SPTBN5: variants seen among roughly 807,000 people sequenced by gnomAD.
The protein encoded by SPTBN5 is spectrin beta chain, non-erythrocytic 5.
Under a neutral mutation model 477.6 loss-of-function variants are expected in SPTBN5, and 513 were observed. The ratio of observed to expected loss-of-function variants is 1.07; its 90% CI spans 1.00 to 1.16. The LOEUF (loss-of-function observed/expected upper bound fraction) is 1.16, where lower values mean the gene tolerates loss of function less well. Ranked by LOEUF, SPTBN5 falls within the 50% of genes most tolerant of loss-of-function variation. The probability of loss-of-function intolerance (pLI) is 0.00; values close to 1 mark genes in which losing one functional copy is unlikely to be tolerated. For missense variants in SPTBN5, 5,062 were observed against 4,731.8 expected (o/e 1.07, Z -2.05); for synonymous variants, 2,169 against 2,011.7 (o/e 1.08, Z -2.09).
Position 41,876,957 on chromosome 15 carries a change from G to A in SPTBN5, c.3712-9C>T. 6.2e-7 allele frequency: 1 copy of A among 1,601,954 alleles called. No homozygotes were observed. Among genetic ancestry groups the A allele is most frequent in the African/African-American group, 1.3e-5 (1 of 74,808 alleles). On this transcript the variant is annotated splice_polypyrimidine_tract_variant and intron_variant, in intron 18 of 67. Coordinates refer to ENST00000320955, the MANE Select transcript of SPTBN5 (RefSeq NM_016642.4). ...GCCTCCCTCACGTCCTCCTGGGAGTGCAGAGACCTGAGGTCATGCCTGGGA... is the reference window on the plus strand; with the variant it reads ...GCCTCCCTCACGTCCTCCTGGGAGTACAGAGACCTGAGGTCATGCCTGGGA...
intron 47 of SPTBN5, 115 bp downstream of exon 47, chr15:41,860,471 G>A (rs1336232628): frequency 1.7e-6 from 2 of 1,192,830 alleles, no homozygotes; most frequent in Non-Finnish European, 2.2e-6. Flanking sequence ...CTCAGTCCTT[G>A]GACAAGGCTG....
chr15:41,865,870 C>T lies in SPTBN5; in HGVS notation c.6856G>A (p.Asp2286Asn), dbSNP rs1173339048. ...VKMNVGDLGQ[D>N]LEHCLQLRRR... The stretch of plus-strand genomic sequence containing the variant: ...CGGAGCTGCAGGCAGTGCTCCAGGT[C>T]CTGGCCCAGGTCACCAACATTCATC... Residue 2286 changes from aspartate (D) to asparagine (N), a missense_variant, in exon 39 of 68, where the codon GAC becomes AAC. Coordinates refer to ENST00000320955, the MANE Select transcript of SPTBN5 (RefSeq NM_016642.4). 6.3e-7 allele frequency: 1 copy of T among 1,584,450 alleles called. No individual in the cohort carries two copies. The highest frequency in any genetic ancestry group is 1.2e-5 in the South Asian group (1 of 86,288).
chr15:41,857,007 C>T lies in SPTBN5; in HGVS notation c.8654G>A (p.Arg2885His), dbSNP rs768653819. Residue 2885 changes from arginine to histidine, a missense_variant, in exon 52 of 68, where the codon CGC (arginine) becomes CAC (histidine). By Grantham distance (29) the Arg-to-His change is conservative (BLOSUM62 0). Transcript: ENST00000320955. ...GCTCCGGGCCTCCAGGGCCGTCCTG[C>T]GCTCCTGCAGGGGCTCCCTCAGGCT... is the stretch of plus-strand genomic sequence containing the variant. ...FKSLREPLQE[R>H]RTALEARSLL... The T allele has an allele frequency of 1.2e-5, 20 of 1,604,512 alleles. No homozygotes were observed. Among genetic ancestry groups the T allele is most frequent in the East Asian group, 4.5e-5 (2 of 44,470 alleles).
At chr15:41,860,108 T>C (rs1474484036) in intron 47 of SPTBN5, among the ~76,000 whole-genome samples, 1 of 152,228 alleles carries the variant, frequency 6.6e-6, no homozygotes, top group Non-Finnish European at 1.5e-5. Context: ...CTAAGACTTC[T>C]GCTAGCCTGC....
At chr15:41,850,051 C>A in intron 66 of SPTBN5, 92 bp from the exon 67 acceptor site, 4 of 1,094,982 alleles carry the variant, frequency 3.7e-6, no homozygotes, top group Non-Finnish European at 5.5e-6. Context: ...TCTGGAGGCT[C>A]AGCACAGCCT....
intron 23 of SPTBN5, 62 bp from the exon 24 acceptor site, chr15:41,874,540 C>G (rs142458569): frequency 7.2e-7 from 1 of 1,379,664 alleles, no homozygotes; most frequent in Non-Finnish European, 9.7e-7. Context: ...GCTCCTGGTT[C>G]TTTCCTTGGC....
At chr15:41,872,587 T>A in intron 26 of SPTBN5, 128 bp from the exon 27 acceptor site, 1 of 958,620 alleles carries the variant, frequency 1.0e-6, no homozygotes. Flanking sequence ...TCCATCTACC[T>A]CAACTCATTC....
chr15:41,879,026 A>G (rs532920455), intron 16 of SPTBN5, among the ~76,000 whole-genome samples: 61 of 152,294 alleles, frequency 4.0e-4, no homozygotes, highest in Admixed American at 5.9e-4. Flanking sequence ...AGATCACGCC[A>G]CTGCACTCAG....
In SPTBN5 at chr15:41,886,159, C is replaced by A; in HGVS notation, c.1096G>T (p.Ala366Ser). ...TGTAGCCGGAAGAGCAGGGCCTCTG[C>A]GGCCCCTCGCTGCTGTAGCCGGGGT... ...KPPRLQQRGA[A>S]EALLFRLQTA... Residue 366 changes from alanine to serine, a missense_variant, in exon 7 of 68, where the codon GCA becomes TCA. Transcript: ENST00000320955. The A allele has an allele frequency of 6.2e-7, 1 of 1,612,088 alleles. No homozygotes were observed. The highest frequency in any genetic ancestry group is 8.5e-7 in the Non-Finnish European group (1 of 1,179,394).
rs1310282985 is a variant in SPTBN5, at chr15:41,863,798, T to C, written c.7055A>G (p.Asn2352Ser). 1 of 1,613,818 alleles carries C rather than the reference T, an allele frequency of 6.2e-7. No homozygotes were observed. Among genetic ancestry groups the C allele is most frequent in the Non-Finnish European group, 8.5e-7 (1 of 1,179,864 alleles). The change falls in exon 41 of 68, where the codon AAC (asparagine) becomes AGC (serine). Residue 2352 changes from asparagine to serine, a missense_variant. Transcript: ENST00000320955. The part of the protein sequence containing the change: ...LNNRWASFHG[N>S]LLRYQQQLEG... Reference sequence around the variant, plus strand: ...GAGCTGCTGCTGGTACCGGAGCAAGTTGCCATGGAAACTCGCCCACCTGGC... The same window carrying C: ...GAGCTGCTGCTGGTACCGGAGCAAGCTGCCATGGAAACTCGCCCACCTGGC...
intron 66 of SPTBN5, 26 bp downstream of exon 66, chr15:41,850,827 TC>T: frequency 6.4e-7 from 1 of 1,563,250 alleles, no homozygotes; most frequent in Non-Finnish European, 8.7e-7. Context: ...TCGGCCGCCC[TC>T]CCCGCATCCT....
intron 48 of SPTBN5, 60 bp downstream of exon 48, chr15:41,858,830 C>T: frequency 6.5e-6 from 10 of 1,548,434 alleles, no homozygotes; most frequent in Non-Finnish European, 8.8e-6. Context: ...GGAAGGGTGG[C>T]CTTTCCCTGG....
chr15:41,873,236 G>A (rs1993413), intron 26 of SPTBN5, among the ~76,000 whole-genome samples: 54,376 of 151,970 alleles, frequency 0.36, 11,840 homozygotes, highest in East Asian at 0.71. Context: ...AAGAGGAGGC[G>A]GAGAAACCCC....
chr15:41,851,343 G>A lies in SPTBN5; in HGVS notation c.10683C>T (p.Cys3561=), dbSNP rs2065755273. ...RQPSSSSWDS[C]RGNLQGSSLS... Reference sequence around the variant, plus strand: ...GAGAGCTGCCCTGCAAGTTCCCGCGGCAGCTGTCCCAGGAGCTCGAGCTAG... The same window carrying A: ...GAGAGCTGCCCTGCAAGTTCCCGCGACAGCTGTCCCAGGAGCTCGAGCTAG... Residue 3561 remains cysteine, a synonymous_variant, in exon 64 of 68, where the codon TGC becomes TGT. Transcript: ENST00000320955. The A allele has an allele frequency of 1.9e-6, 3 of 1,550,968 alleles. No individual in the cohort carries two copies. The highest frequency in any genetic ancestry group is 2.6e-6 in the Non-Finnish European group (3 of 1,146,972).
Position 41,861,853 on chromosome 15 carries a change from C to T in SPTBN5, c.7619G>A (p.Gly2540Glu), listed in dbSNP as rs763393766. The T allele has an allele frequency of 6.2e-7, 1 of 1,607,968 alleles. No homozygotes were observed. Among genetic ancestry groups the T allele is most frequent in the Non-Finnish European group, 8.5e-7 (1 of 1,179,434 alleles). The change falls in exon 45 of 68, where the codon GGG becomes GAG. Residue 2540 changes from glycine (G) to glutamate (E), a missense_variant. Physicochemically the swap from Gly to Glu is moderately conservative, Grantham distance 98. Coordinates refer to ENST00000320955, the MANE Select transcript of SPTBN5 (RefSeq NM_016642.4). ...RSTGQQLLTAGHPFSSDIRQV... is the reference protein window; with the variant it reads ...RSTGQQLLTAEHPFSSDIRQV... ...GCGAATGTCGGAGCTGAAGGGGTGCCCCGCTGTGAGCAGTTGCTGCCCAGT... is the reference window on the plus strand; with the variant it reads ...GCGAATGTCGGAGCTGAAGGGGTGCTCCGCTGTGAGCAGTTGCTGCCCAGT...
In SPTBN5 at chr15:41,881,996, G is replaced by C. The variant is rs1172576467; in HGVS notation, c.2397C>G (p.Ala799=). The change falls in exon 12 of 68, where the codon GCC becomes GCG. Residue 799 remains alanine (A), a synonymous_variant. Transcript: ENST00000320955. The stretch of plus-strand genomic sequence containing the variant: ...CCTGCTCCTCCAGCCGCCGCAGCTC[G>C]GCCGCGAAGGCGCGCAGGACGCGCT... ...RLERVLRAFA[A]ELRRLEEQGR... 5.9e-6 allele frequency: 9 copies of C among 1,536,136 alleles called. No homozygotes were observed. Among genetic ancestry groups the C allele is most frequent in the African/African-American group, 1.4e-5 (1 of 71,142 alleles).
At position 41,882,321 on chromosome 15, in the gene SPTBN5, G is replaced by C. The variant is rs1328280948; in HGVS notation, c.2195C>G (p.Thr732Ser). The change falls in exon 11 of 68, where the codon ACC becomes AGC. Residue 732 changes from threonine (T) to serine (S), a missense_variant. Coordinates refer to ENST00000320955, the MANE Select transcript of SPTBN5 (RefSeq NM_016642.4). ...CCGTGCGCCCCGCCCCACCACCCGG[G>C]TCTGGAGCAGCTGCCACCCTCCCTG... is the stretch of plus-strand genomic sequence containing the variant. ...AVQGGWQLLQTRVVGRGARLQ... is the reference protein window; with the variant it reads ...AVQGGWQLLQSRVVGRGARLQ... The C allele has an allele frequency of 5.3e-6, 8 of 1,517,086 alleles. No individual in the cohort carries two copies. The highest frequency in any genetic ancestry group is 7.0e-6 in the Non-Finnish European group (8 of 1,135,492). 94.0% of individuals were successfully genotyped at this position (1,517,086 alleles called of 1,614,324 possible).
Position 41,882,045 on chromosome 15 carries a change from A to G in SPTBN5, c.2348T>C (p.Leu783Pro), listed in dbSNP as rs2066975834. The change falls in exon 12 of 68, where the codon CTG becomes CCG. Residue 783 changes from leucine (L) to proline (P), a missense_variant. Transcript: ENST00000320955. ...CTCCAGCCGCACGTGGCGCCTCAGC[A>G]GGGTCTCGGCGGCCGCCTGGTCCTG... is the stretch of plus-strand genomic sequence containing the variant. The part of the protein sequence containing the change: ...CGQDQAAAET[L>P]LRRHVRLERV... 1 of 1,556,472 alleles carries G rather than the reference A, an allele frequency of 6.4e-7. No homozygotes were observed. Among genetic ancestry groups the G allele is most frequent in the East Asian group, 2.4e-5 (1 of 41,398 alleles).
chr15:41,874,864 C>T lies in SPTBN5; in HGVS notation c.4480G>A (p.Glu1494Lys), dbSNP rs748665220. The change falls in exon 23 of 68, where the codon GAG becomes AAG. Residue 1494 changes from glutamate (E) to lysine (K), a missense_variant. Coordinates refer to ENST00000320955, the MANE Select transcript of SPTBN5 (RefSeq NM_016642.4). ...GMAASPAILE[E>K]TQKHLRRLEL... ...CACCTCCGGAGGTGCTTCTGGGTCT[C>T]TTCCAGGATGGCCGGGGAGGCGGCC... 8 of 1,610,568 alleles carry T rather than the reference C, an allele frequency of 5.0e-6. No homozygotes were observed. The highest frequency in any genetic ancestry group is 5.9e-6 in the Non-Finnish European group (7 of 1,178,354).
Sources: allele counts gnomAD v4.1 joint callset (sites outside exome capture counted in the v4.1 genomes callset), GRCh38; gene constraint gnomAD v4.1.1; transcripts MANE v1.5; gene names NCBI Gene and HGNC (gene_info 2026-07-23, HGNC 2026-07-21).